Variants in COMMD10 observed in about 807,000 individuals in gnomAD.
COMMD10 encodes the protein COMM domain-containing protein 10.
Under a neutral mutation model 28.9 loss-of-function variants are expected in COMMD10, and 33 were observed. The observed-to-expected ratio is 1.14, with a 90% confidence interval of 0.87 to 1.53. The LOEUF is 1.53. COMMD10 is among the 40% of genes most tolerant of loss of function. The pLI is 0.00. For synonymous variants in COMMD10, 110 were observed against 81.7 expected, an observed-to-expected ratio of 1.35 and a Z score of -1.87; for missense variants, 310 against 233.4, an observed-to-expected ratio of 1.33 and a Z score of -2.14.
intron 4 of COMMD10, among the ~76,000 whole-genome samples, chr5:116,126,476 A>G (rs796082358): frequency 3.9e-5 from 6 of 152,080 alleles, no homozygotes; most frequent in African/African-American, 9.7e-5. Context: ...AGTCAATCCT[A>G]AGCAAAAAGA....
chr5:116,120,528 A>G (rs555002393), intron 4 of COMMD10, among the ~76,000 whole-genome samples: 2 of 152,252 alleles, frequency 1.3e-5, no homozygotes, highest in South Asian at 4.1e-4. Flanking sequence ...TTTTTTAAAG[A>G]TAGAGTATTT....
rs951928850 is a variant in COMMD10, at chr5:116,202,538, C to T, written c.510+68360C>T. On this transcript the variant is annotated intron_variant, in intron 5 of 6. Transcript: ENST00000274458. ...GTGTTCCTATTTCTCCACATCCTCT[C>T]CAGCACCTGTTGTTTCCTGACTTTT... Among the ~76,000 whole-genome samples, 51 of 151,472 alleles carry T rather than the reference C, an allele frequency of 3.4e-4. No homozygotes were observed. In the South Asian group the frequency reaches 0.01, roughly 31 times the overall value.
chr5:116,139,463 A>G (rs1752128324), intron 5 of COMMD10, among the ~76,000 whole-genome samples: 1 of 151,764 alleles, frequency 6.6e-6, no homozygotes. Context: ...AAAAATATGT[A>G]TGCTATTCAA....
intron 5 of COMMD10, among the ~76,000 whole-genome samples, chr5:116,280,721 C>G (rs1022171517): frequency 1.3e-5 from 2 of 151,696 alleles, no homozygotes; most frequent in Non-Finnish European, 2.9e-5. Context: ...GAAATTATAT[C>G]TCTAGGTTTT....
At chr5:116,164,589 C>T (rs748923357) in intron 5 of COMMD10, among the ~76,000 whole-genome samples, 19 of 152,162 alleles carry the variant, frequency 1.2e-4, no homozygotes, top group Non-Finnish European at 2.5e-4. Flanking sequence ...TGTCTATTTT[C>T]AGTTACTTTT....
intron 5 of COMMD10, among the ~76,000 whole-genome samples, chr5:116,245,319 A>G (rs1749913118): frequency 6.6e-6 from 1 of 152,036 alleles, no homozygotes; most frequent in African/African-American, 2.4e-5. Context: ...CTCTAAACAG[A>G]CAATATCAAG....
intron 5 of COMMD10, among the ~76,000 whole-genome samples, chr5:116,271,053 A>T (rs972375929): frequency 1.1e-4 from 16 of 151,618 alleles, no homozygotes; most frequent in African/African-American, 3.2e-4. Flanking sequence ...GGTGGCCCAA[A>T]ATTTCTCCAA....
intron 1 of COMMD10, 78 bp downstream of exon 1, chr5:116,085,171 G>A: frequency 7.7e-7 from 1 of 1,301,498 alleles, no homozygotes; most frequent in Non-Finnish European, 1.0e-6. Context: ...TGTCCTTGCT[G>A]CCTGCCGCCT....
At chr5:116,142,854 A>C (rs1420263807) in intron 5 of COMMD10, among the ~76,000 whole-genome samples, 1 of 151,730 alleles carries the variant, frequency 6.6e-6, no homozygotes, top group Admixed American at 6.6e-5. Flanking sequence ...TATGTGTTAG[A>C]TAATTGCCAA....
intron 5 of COMMD10, among the ~76,000 whole-genome samples, chr5:116,140,577 C>G (rs1752168111): frequency 6.6e-6 from 1 of 151,814 alleles, no homozygotes; most frequent in Non-Finnish European, 1.5e-5. Flanking sequence ...ACATTCTCAC[C>G]AGCGTTTGTT....
At chr5:116,266,991 T>A (rs1300576188) in intron 5 of COMMD10, among the ~76,000 whole-genome samples, 2 of 151,882 alleles carry the variant, frequency 1.3e-5, no homozygotes, top group Non-Finnish European at 2.9e-5. Flanking sequence ...GCCAATATCA[T>A]ACTGAATGGA....
intron 5 of COMMD10, among the ~76,000 whole-genome samples, chr5:116,273,339 C>T (rs1366197991): frequency 6.6e-6 from 1 of 151,706 alleles, no homozygotes; most frequent in African/African-American, 2.4e-5. Context: ...GATTTTGAAC[C>T]AGCCATATGT....
chr5:116,157,538 A>G (rs868140893), intron 5 of COMMD10, among the ~76,000 whole-genome samples: 5 of 152,210 alleles, frequency 3.3e-5, no homozygotes, highest in African/African-American at 1.2e-4. Flanking sequence ...GAAAAGATGT[A>G]GGATAGGTCT....
intron 5 of COMMD10, among the ~76,000 whole-genome samples, chr5:116,262,976 A>C (rs1357163546): frequency 1.3e-5 from 2 of 151,812 alleles, no homozygotes; most frequent in African/African-American, 4.9e-5. Flanking sequence ...TTACAAAGGG[A>C]AAACATGAAA....
intron 5 of COMMD10, among the ~76,000 whole-genome samples, chr5:116,156,442 A>G (rs1386246599): frequency 6.6e-6 from 1 of 152,188 alleles, no homozygotes; most frequent in Admixed American, 6.5e-5. Flanking sequence ...ATTCATTGAT[A>G]TCTTCATTTC....
chr5:116,194,616 A>T (rs1748459145), intron 5 of COMMD10, among the ~76,000 whole-genome samples: 2 of 152,158 alleles, frequency 1.3e-5, no homozygotes. Flanking sequence ...AGCTGCTTAC[A>T]TCAGGAAGAA....
At chr5:116,181,018 C>T (rs1747937972) in intron 5 of COMMD10, among the ~76,000 whole-genome samples, 2 of 152,042 alleles carry the variant, frequency 1.3e-5, no homozygotes. Flanking sequence ...ATGACACACA[C>T]CTGTAGTTCC....
intron 4 of COMMD10, among the ~76,000 whole-genome samples, chr5:116,122,948 T>A (rs566298300): frequency 6.6e-6 from 1 of 152,144 alleles, no homozygotes; most frequent in Non-Finnish European, 1.5e-5. Context: ...CTTCCTCTTT[T>A]CCTAACTGAA....
At chr5:116,217,573 C>T (rs1047464519) in intron 5 of COMMD10, among the ~76,000 whole-genome samples, 9 of 152,124 alleles carry the variant, frequency 5.9e-5, no homozygotes, top group African/African-American at 4.8e-5. Flanking sequence ...AGTGGCATCC[C>T]GGAAAAGTCC....
Sources: gnomAD v4.1 joint callset for allele counts (sites outside exome capture counted in the v4.1 genomes callset) on GRCh38, gnomAD v4.1.1 for gene constraint, MANE v1.5 for transcripts, NCBI Gene and HGNC (gene_info 2026-07-23, HGNC 2026-07-21) for gene names.